The following NUMB variants were observed in gnomAD, a reference collection of about 807,000 sequenced individuals.
The protein encoded by NUMB is protein numb homolog.
In NUMB, 29 loss-of-function variants were observed where a neutral mutation model predicts 59.7. The observed-to-expected ratio is 0.49, with a 90% CI of 0.36 to 0.66. NUMB has a LOEUF of 0.66. Ranked by LOEUF, NUMB falls within the 30% of genes least tolerant of loss-of-function variation. The pLI is 0.00. For synonymous variants in NUMB, 288 were observed against 288.2 expected, an observed-to-expected ratio of 1.00 and a Z score of 0.01; for missense variants, 723 against 822.0, an observed-to-expected ratio of 0.88 and a Z score of 1.47.
intron 1 of NUMB, among the ~76,000 whole-genome samples, chr14:73,435,610 G>A (rs1227194382): frequency 6.6e-6 from 1 of 151,926 alleles, no homozygotes; most frequent in Non-Finnish European, 1.5e-5. Context: ...CATGTGCCCT[G>A]TGACACAACA....
chr14:73,374,479 A>G (rs1033221508), intron 2 of NUMB, among the ~76,000 whole-genome samples: 9 of 152,070 alleles, frequency 5.9e-5, no homozygotes, highest in Admixed American at 5.2e-4. Context: ...CTTTCAGAGA[A>G]CCTTGTGCCA....
intron 1 of NUMB, among the ~76,000 whole-genome samples, chr14:73,431,319 G>T (rs1178337813): frequency 6.9e-6 from 1 of 145,206 alleles, no homozygotes; most frequent in African/African-American, 2.6e-5. Context: ...GCACTGGCGC[G>T]ATCTCGGCTC....
chr14:73,435,247 CT>C (rs1273412174), intron 1 of NUMB, among the ~76,000 whole-genome samples: 2 of 147,420 alleles, frequency 1.4e-5, no homozygotes, highest in African/African-American at 5.0e-5. Flanking sequence ...CCATGGTTCT[CT>C]TTGGAGAACC....
At chr14:73,447,627 G>GA (rs972277101) in intron 1 of NUMB, among the ~76,000 whole-genome samples, 94 of 113,018 alleles carry the variant, frequency 8.3e-4, no homozygotes, top group South Asian at 1.6e-3. Context: ...CACTAAAAAG[G>GA]AAAAAAAAAC....
chr14:73,321,444 G>A (rs1891399124), intron 5 of NUMB, among the ~76,000 whole-genome samples: 1 of 152,016 alleles, frequency 6.6e-6, no homozygotes, highest in Non-Finnish European at 1.5e-5. Context: ...TCGCTGTGTT[G>A]CCCAGGTTGG....
At chr14:73,419,118 T>TA (rs1026369315) in intron 1 of NUMB, among the ~76,000 whole-genome samples, 7 of 151,948 alleles carry the variant, frequency 4.6e-5, no homozygotes, top group East Asian at 1.9e-4. Flanking sequence ...GTCAGGTTTA[T>TA]AAAAAAAAGA....
chr14:73,290,943 T>G (rs375875704), intron 8 of NUMB, among the ~76,000 whole-genome samples: 1 of 152,208 alleles, frequency 6.6e-6, no homozygotes, highest in South Asian at 2.1e-4. Flanking sequence ...TAAAAGAGAC[T>G]TGTCTTTCAT....
At chr14:73,334,971 T>C (rs1419124493) in intron 4 of NUMB, among the ~76,000 whole-genome samples, 3 of 143,224 alleles carry the variant, frequency 2.1e-5, no homozygotes, top group African/African-American at 7.7e-5. Flanking sequence ...AAAAAAGGTA[T>C]TAGCATATAC....
intron 2 of NUMB, among the ~76,000 whole-genome samples, chr14:73,377,880 T>A (rs1207627028): frequency 6.6e-6 from 1 of 152,014 alleles, no homozygotes; most frequent in Non-Finnish European, 1.5e-5. Context: ...GGCAGGAGAT[T>A]TGCTTGAACT....
intron 6 of NUMB, among the ~76,000 whole-genome samples, chr14:73,302,561 C>T (rs1055500965): frequency 1.3e-5 from 2 of 151,962 alleles, no homozygotes; most frequent in Non-Finnish European, 2.9e-5. Context: ...TGCATGGCCC[C>T]ACACCCAGCT....
chr14:73,340,202 G>A (rs2081409787), intron 4 of NUMB, among the ~76,000 whole-genome samples: 1 of 152,226 alleles, frequency 6.6e-6, no homozygotes, highest in African/African-American at 2.4e-5. Context: ...TGCCTCCTAT[G>A]TGTAAACGAG....
chr14:73,291,092 T>G (rs182873398), intron 8 of NUMB, among the ~76,000 whole-genome samples: 1 of 152,110 alleles, frequency 6.6e-6, no homozygotes, highest in Admixed American at 6.5e-5. Flanking sequence ...TTTTGTTTTT[T>G]TTTTTTGAGA....
At chr14:73,448,688 TAAATA>T (rs1883715122) in intron 1 of NUMB, among the ~76,000 whole-genome samples, 2 of 152,264 alleles carry the variant, frequency 1.3e-5, no homozygotes, top group South Asian at 2.1e-4. Flanking sequence ...ACAATATCAG[TAAATA>T]AAATAATTCA....
At chr14:73,329,273 T>C (rs1259755184) in intron 4 of NUMB, among the ~76,000 whole-genome samples, 2 of 152,250 alleles carry the variant, frequency 1.3e-5, no homozygotes, top group African/African-American at 4.8e-5. Context: ...AAGCAATCTT[T>C]GCCTAGCTCA....
In NUMB at chr14:73,395,037, T is replaced by TGTG. The variant is rs1896053515; in HGVS notation, c.-101+14899_-101+14900insCAC. ...TTAAGGTTGAATAGTATTCGTGTGT[T>TGTG]TGTGTGTGTGTGTGTGTGTGTGTGT... On this transcript the variant is annotated intron_variant, in intron 2 of 12. Transcript: ENST00000555238. 1.5e-3 allele frequency among the ~76,000 whole-genome samples: 177 copies of TGTG among 119,996 alleles called. 1 individual carries two copies. Among genetic ancestry groups the TGTG allele is most frequent in the Non-Finnish European group, 2.0e-3 (120 of 58,592 alleles). The allele number at this position is 119,996 out of a possible 152,430, so 78.7% of individuals were successfully genotyped here. A position where few individuals can be genotyped will look rare whatever the true frequency, so the allele number is the denominator to read the frequency against.
At chr14:73,399,299 C>G (rs1181020633) in intron 2 of NUMB, among the ~76,000 whole-genome samples, 1 of 152,250 alleles carries the variant, frequency 6.6e-6, no homozygotes, top group Admixed American at 6.5e-5. Context: ...CACAGCGGCT[C>G]ACGCCTATAA....
At chr14:73,348,932 A>T (rs970036252) in intron 4 of NUMB, among the ~76,000 whole-genome samples, 6 of 152,204 alleles carry the variant, frequency 3.9e-5, no homozygotes, top group South Asian at 2.1e-4. Context: ...ATGAAGTGTT[A>T]AAAAAATTAT....
intron 1 of NUMB, among the ~76,000 whole-genome samples, chr14:73,454,095 G>C (rs1319842510): frequency 6.6e-6 from 1 of 151,882 alleles, no homozygotes; most frequent in Non-Finnish European, 1.5e-5. Flanking sequence ...GAACTATTGG[G>C]TACTATGCTC....
intron 2 of NUMB, among the ~76,000 whole-genome samples, chr14:73,377,840 A>T (rs1047793887): frequency 3.9e-5 from 6 of 151,992 alleles, no homozygotes; most frequent in Non-Finnish European, 7.4e-5. Context: ...GTTGGCGGGT[A>T]CCTGTAATCC....
Sources: gnomAD v4.1 joint callset for allele counts (sites outside exome capture counted in the v4.1 genomes callset) on GRCh38, gnomAD v4.1.1 for gene constraint, MANE v1.5 for transcripts, NCBI Gene and HGNC (gene_info 2026-07-23, HGNC 2026-07-21) for gene names.